The following RAP1GDS1 variants were observed in gnomAD, a reference collection of about 807,000 sequenced individuals.
RAP1GDS1 encodes the protein RAP1, GTP-GDP dissociation stimulator 1.
In RAP1GDS1, 35 loss-of-function variants were observed where a neutral mutation model predicts 71.1. The observed-to-expected ratio is 0.49, with a 90% CI of 0.38 to 0.65. RAP1GDS1 has a LOEUF of 0.65. RAP1GDS1 is among the 30% of genes least tolerant of loss of function. RAP1GDS1 has a pLI of 0.00. For missense variants in RAP1GDS1, 663 were observed against 706.1 expected (o/e 0.94, Z 0.69); for synonymous variants, 229 against 243.1 (o/e 0.94, Z 0.54).
intron 2 of RAP1GDS1, among the ~76,000 whole-genome samples, chr4:98,300,978 T>C (rs1410466455): frequency 6.6e-6 from 1 of 152,174 alleles, no homozygotes; most frequent in Non-Finnish European, 1.5e-5. Context: ...AGTTACTTCC[T>C]AAGTAAGAGA....
intron 2 of RAP1GDS1, among the ~76,000 whole-genome samples, chr4:98,311,922 A>G (rs1730287183): frequency 6.6e-6 from 1 of 152,226 alleles, no homozygotes; most frequent in Non-Finnish European, 1.5e-5. Flanking sequence ...AGCAGGCATG[A>G]GCCACTGCAG....
chr4:98,282,524 C>T (rs59725407), intron 1 of RAP1GDS1, among the ~76,000 whole-genome samples: 6,307 of 150,256 alleles, frequency 0.042, 308 homozygotes, highest in African/African-American at 0.12. Context: ...GTCTTGCTAG[C>T]GGTCTATCAA....
intron 13 of RAP1GDS1, among the ~76,000 whole-genome samples, chr4:98,436,705 T>C (rs1013496854): frequency 1.3e-5 from 2 of 152,232 alleles, no homozygotes; most frequent in African/African-American, 4.8e-5. Flanking sequence ...TTGTCTCATA[T>C]TAAAAGAAAT....
At chr4:98,285,844 A>T (rs113847902) in intron 1 of RAP1GDS1, among the ~76,000 whole-genome samples, 1 of 147,398 alleles carries the variant, frequency 6.8e-6, no homozygotes, top group Admixed American at 6.8e-5. Context: ...TAAATTATAA[A>T]TAATTTAAAT....
intron 4 of RAP1GDS1, among the ~76,000 whole-genome samples, chr4:98,353,047 G>A (rs1460692583): frequency 6.6e-6 from 1 of 152,104 alleles, no homozygotes; most frequent in Non-Finnish European, 1.5e-5. Context: ...TCAAAAGCTA[G>A]ATTGGCCCAT....
In RAP1GDS1 at chr4:98,442,691, T is replaced by TTAGAC. The variant is rs1752021926; in HGVS notation, c.*577_*581dup. 1.8e-5 allele frequency: 4 copies of TTAGAC among 227,410 alleles called. No individual in the cohort carries two copies. The South Asian group carries it at 7.3e-4, about 41-fold the overall frequency. 14.1% of individuals were successfully genotyped at this position (227,410 alleles called of 1,614,324 possible). ...ACTTCTGGTTTCTCCTTTTTCCTTT[T>TTAGAC]TAGACTATTGAAACTGCCACAAACT... On this transcript the variant is annotated 3_prime_UTR_variant, in exon 15 of 15. Transcript: ENST00000408927.
intron 1 of RAP1GDS1, among the ~76,000 whole-genome samples, chr4:98,274,280 T>G (rs1723898347): frequency 6.6e-6 from 1 of 152,014 alleles, no homozygotes; most frequent in African/African-American, 2.4e-5. Context: ...TAAAACTCTG[T>G]AACCACTAAG....
At chr4:98,268,873 C>G (rs1723052650) in intron 1 of RAP1GDS1, among the ~76,000 whole-genome samples, 1 of 152,046 alleles carries the variant, frequency 6.6e-6, no homozygotes, top group Admixed American at 6.5e-5. Context: ...TTACAATGTT[C>G]ATAGTACTGA....
At chr4:98,400,032 A>G (rs1745142685) in intron 6 of RAP1GDS1, among the ~76,000 whole-genome samples, 1 of 152,104 alleles carries the variant, frequency 6.6e-6, no homozygotes. Context: ...ACAGGTGTAT[A>G]GTCCCAGCTA....
Position 98,417,412 on chromosome 4 carries a change from T to A in RAP1GDS1, c.953T>A (p.Phe318Tyr). Residue 318 changes from phenylalanine to tyrosine, a missense_variant, in exon 9 of 15, where the codon TTT becomes TAT. Physicochemically the swap from Phe to Tyr is conservative, Grantham distance 22. Coordinates refer to ENST00000408927, the MANE Select transcript of RAP1GDS1 (RefSeq NM_001100427.2). ...TTTGAAGGAGGAAAAGGTAGTGTAT[T>A]TCAAAGGGTACTCTCTTGGATCCCA... ...KLFEGGKGSVFQRVLSWIPSN... is the reference protein window; with the variant it reads ...KLFEGGKGSVYQRVLSWIPSN... 6.2e-7 allele frequency: 1 copy of A among 1,613,120 alleles called. No homozygotes were observed.
At chr4:98,339,731 G>T (rs1735214802) in intron 2 of RAP1GDS1, among the ~76,000 whole-genome samples, 1 of 152,106 alleles carries the variant, frequency 6.6e-6, no homozygotes, top group Non-Finnish European at 1.5e-5. Flanking sequence ...TAATGCCAGT[G>T]CAAAAAGTAT....
chr4:98,371,075 C>G (rs1024545576), intron 4 of RAP1GDS1, among the ~76,000 whole-genome samples: 3 of 149,528 alleles, frequency 2.0e-5, no homozygotes, highest in African/African-American at 7.4e-5. Context: ...TTCTGAAGCT[C>G]TGTTTGTAGG....
At chr4:98,357,704 A>G (rs951375627) in intron 4 of RAP1GDS1, among the ~76,000 whole-genome samples, 11 of 151,932 alleles carry the variant, frequency 7.2e-5, no homozygotes, top group African/African-American at 2.2e-4. Flanking sequence ...GAAATTAACC[A>G]AATAGTGCAT....
intron 2 of RAP1GDS1, among the ~76,000 whole-genome samples, chr4:98,298,183 A>T (rs1049965053): frequency 6.6e-6 from 1 of 152,210 alleles, no homozygotes; most frequent in Non-Finnish European, 1.5e-5. Context: ...GGTTTAAGGA[A>T]AGAAGTCATC....
At chr4:98,278,820 A>G (rs1724612483) in intron 1 of RAP1GDS1, among the ~76,000 whole-genome samples, 1 of 152,250 alleles carries the variant, frequency 6.6e-6, no homozygotes, top group South Asian at 2.1e-4. Context: ...TCACTAGCCT[A>G]AACCAAGATC....
chr4:98,429,162 G>A lies in RAP1GDS1; in HGVS notation c.1441-4774G>A, dbSNP rs560575622. Among the ~76,000 whole-genome samples the A allele has an allele frequency of 1.2e-3, 175 of 152,102 alleles. 1 individual carries two copies. The South Asian group carries it at 0.018, about 16-fold the overall frequency. ...AGTCCCAGCTACGCTGGAGGCTTAG[G>A]CAGGAGGATGGCGTGAACCCGGGAG... On this transcript the variant is annotated intron_variant, in intron 12 of 14. Transcript: ENST00000408927.
intron 2 of RAP1GDS1, chr4:98,297,039 A>C: frequency 6.4e-6 from 1 of 156,348 alleles, no homozygotes; most frequent in Non-Finnish European, 1.3e-5. Context: ...TTTTGTATTT[A>C]ACTTAGTTTC....
intron 12 of RAP1GDS1, among the ~76,000 whole-genome samples, chr4:98,433,513 C>A (rs557615000): frequency 6.6e-6 from 1 of 152,200 alleles, no homozygotes; most frequent in East Asian, 1.9e-4. Flanking sequence ...AGGCTGGTCT[C>A]AAGCGATCCT....
At chr4:98,405,528 G>A (rs1745991953) in intron 7 of RAP1GDS1, among the ~76,000 whole-genome samples, 2 of 152,046 alleles carry the variant, frequency 1.3e-5, no homozygotes, top group African/African-American at 4.8e-5. Flanking sequence ...GAGTAGAGAA[G>A]GTGGGGAGGG....
Sources: gnomAD v4.1 joint callset for allele counts (sites outside exome capture counted in the v4.1 genomes callset) on GRCh38, gnomAD v4.1.1 for gene constraint, MANE v1.5 for transcripts, NCBI Gene and HGNC (gene_info 2026-07-23, HGNC 2026-07-21) for gene names.